Variants in TECTA observed in about 807,000 individuals in gnomAD.
TECTA encodes the protein tectorin alpha, also known as alpha-tectorin.
In TECTA, 128 loss-of-function variants were observed where a neutral mutation model predicts 216.8. That is an observed-to-expected ratio of 0.59 (90% CI 0.51 to 0.68). TECTA has a LOEUF of 0.68. Ranked by LOEUF, TECTA falls within the 30% of genes least tolerant of loss-of-function variation. The pLI, the probability that TECTA is intolerant of heterozygous loss-of-function variation, is 0.00. For synonymous variants in TECTA, 1,089 were observed against 1,117.1 expected (o/e 0.97, Z 0.50); for missense variants, 2,551 against 2,786.2 (o/e 0.92, Z 1.90).
At chr11:121,166,531 CA>C in intron 17 of TECTA, 46 bp from the exon 18 acceptor site, 1 of 1,604,298 alleles carries the variant, frequency 6.2e-7, no homozygotes, top group South Asian at 1.1e-5. Flanking sequence ...ACTCCTGCAG[CA>C]AGACCGACTC....
Position 121,164,237 on chromosome 11 carries a change from T to A in TECTA, c.5273-1036T>A, listed in dbSNP as rs1947029107. Among the ~76,000 whole-genome samples the A allele has an allele frequency of 2.0e-5, 3 of 152,214 alleles. No homozygotes were observed. The South Asian group carries it at 6.2e-4, about 32-fold the overall frequency. On this transcript the variant is annotated intron_variant, in intron 16 of 23. Coordinates refer to ENST00000392793, the MANE Select transcript of TECTA (RefSeq NM_005422.4). ...AATTTTCAAGTGTACAGTGTATTGG[T>A]ACTAACTATAGCCACTTTGATGTTC...
At chr11:121,106,651 T>A (rs1946392874) in intron 3 of TECTA, among the ~76,000 whole-genome samples, 1 of 152,144 alleles carries the variant, frequency 6.6e-6, no homozygotes, top group Non-Finnish European at 1.5e-5. Context: ...ATTGTTGGCC[T>A]TAAAGAACTG....
chr11:121,186,029 TGAG>T, intron 20 of TECTA, among the ~76,000 whole-genome samples: 1 of 98,014 alleles, frequency 1.0e-5, no homozygotes, highest in African/African-American at 6.0e-5. Context: ...GCTTAATGAA[TGAG>T]TAGGGAAAGC....
intron 12 of TECTA, among the ~76,000 whole-genome samples, chr11:121,149,750 G>T (rs774383172): frequency 4.6e-5 from 7 of 152,198 alleles, no homozygotes; most frequent in Non-Finnish European, 8.8e-5. Context: ...TGCTGGGTAT[G>T]GCAAGAGACA....
In TECTA at chr11:121,137,498, C is replaced by G. The variant is rs941759181; in HGVS notation, c.3019C>G (p.Pro1007Ala). The G allele has an allele frequency of 1.2e-6, 2 of 1,613,896 alleles. No individual in the cohort carries two copies. Among genetic ancestry groups the G allele is most frequent in the South Asian group, 2.2e-5 (2 of 91,070 alleles). Residue 1007 changes from proline to alanine, a missense_variant, in exon 11 of 24, where the codon CCC (proline) becomes GCC (alanine). By Grantham distance (27) the Pro-to-Ala change is conservative (BLOSUM62 -1). Around this residue, in one of 3 missense-constraint regions of TECTA, gnomAD observed 2,375 missense variants for 2,563.9 expected, o/e 0.93. Coordinates refer to ENST00000392793, the MANE Select transcript of TECTA (RefSeq NM_005422.4). The part of the protein sequence containing the change: ...TETCETLTLG[P>A]ICVDSCSEGC... ...GACCTGTGAGACCCTTACCCTGGGCCCCATCTGCGTGGATAGCTGCTCTGA... is the reference window on the plus strand; with the variant it reads ...GACCTGTGAGACCCTTACCCTGGGCGCCATCTGCGTGGATAGCTGCTCTGA...
At chr11:121,115,480 G>A (rs1328232105) in intron 6 of TECTA, among the ~76,000 whole-genome samples, 1 of 152,210 alleles carries the variant, frequency 6.6e-6, no homozygotes, top group Non-Finnish European at 1.5e-5. Flanking sequence ...GGGTACTGTG[G>A]AAACACAGAG....
chr11:121,157,918 G>T lies in TECTA; in HGVS notation c.4383G>T (p.Pro1461=). Residue 1461 remains proline, a synonymous_variant, in exon 14 of 24, where the codon CCG becomes CCT. Transcript: ENST00000392793. ...CFRRNVIQCD[P]RQCKSDEECA... ...GTCGCAACGTGATTCAGTGCGACCC[G>T]CGCCAATGCAAGTCAGACGAGGAGT... The T allele has an allele frequency of 4.3e-6, 7 of 1,614,168 alleles. No individual in the cohort carries two copies. The highest frequency in any genetic ancestry group is 5.9e-6 in the Non-Finnish European group (7 of 1,180,036).
intron 13 of TECTA, among the ~76,000 whole-genome samples, chr11:121,154,576 C>T (rs1946923414): frequency 6.6e-6 from 1 of 152,232 alleles, no homozygotes; most frequent in South Asian, 2.1e-4. Flanking sequence ...CTATCCATTT[C>T]TCAACTGTGC....
In TECTA at chr11:121,125,447, C is replaced by T. The variant is rs761506506; in HGVS notation, c.1349C>T (p.Pro450Leu). 4 of 1,614,082 alleles carry T rather than the reference C, an allele frequency of 2.5e-6. No homozygotes were observed. Among genetic ancestry groups the T allele is most frequent in the Non-Finnish European group, 3.4e-6 (4 of 1,180,052 alleles). Residue 450 changes from proline to leucine, a missense_variant, in exon 8 of 24, where the codon CCA (proline) becomes CTA (leucine). Pro to Leu is a moderately conservative substitution (Grantham distance 98). Around this residue, in one of 3 missense-constraint regions of TECTA, gnomAD observed 2,375 missense variants for 2,563.9 expected, o/e 0.93. Coordinates refer to ENST00000392793, the MANE Select transcript of TECTA (RefSeq NM_005422.4). ...CAGCACTACGCCTCCATTTCCGTCC[C>T]AGGCTCCTATATAAACTCCACCTGT... ...DGQHYASISV[P>L]GSYINSTCGL...
Position 121,122,479 on chromosome 11 carries a change from CCAAA to C in TECTA, c.1204-2820_1204-2817del, listed in dbSNP as rs552180318. ...GTTTATGGTATTTTGCTCTAGCAGC[CCAAA>C]CAGACTAAAACAGAAGATTGGTACC... On this transcript the variant is annotated intron_variant, in intron 7 of 23. Coordinates refer to ENST00000392793, the MANE Select transcript of TECTA (RefSeq NM_005422.4). 7.9e-5 allele frequency among the ~76,000 whole-genome samples: 12 copies of C among 152,002 alleles called. No individual in the cohort carries two copies. In the South Asian group the frequency reaches 2.5e-3, roughly 32 times the overall value.
At chr11:121,121,437 T>C (rs1270010989) in intron 7 of TECTA, among the ~76,000 whole-genome samples, 1 of 152,056 alleles carries the variant, frequency 6.6e-6, no homozygotes, top group Non-Finnish European at 1.5e-5. Flanking sequence ...CTGCTAACCA[T>C]AGGTTGAGGA....
chr11:121,141,421 T>C (rs1365670801), intron 11 of TECTA, among the ~76,000 whole-genome samples: 2 of 152,202 alleles, frequency 1.3e-5, no homozygotes, highest in Non-Finnish European at 2.9e-5. Flanking sequence ...TTTCCCTGCA[T>C]TGAGCAGCAC....
rs762029327 is a variant in TECTA, at chr11:121,145,548, C to T, written c.3544-7C>T. 14 of 1,614,090 alleles carry T rather than the reference C, an allele frequency of 8.7e-6. No homozygotes were observed. The African/African-American group carries it at 1.2e-4, about 14-fold the overall frequency. On this transcript the variant is annotated splice_polypyrimidine_tract_variant and splice_region_variant and intron_variant, in intron 11 of 23. Coordinates refer to ENST00000392793, the MANE Select transcript of TECTA (RefSeq NM_005422.4). Reference sequence around the variant, plus strand: ...TGTGTTTCTCCACCTCATCTCTCCTCTTACAGGTCAACAGTGAACGGCTCT... The same window carrying T: ...TGTGTTTCTCCACCTCATCTCTCCTTTTACAGGTCAACAGTGAACGGCTCT...
intron 23 of TECTA, among the ~76,000 whole-genome samples, chr11:121,190,495 C>T (rs987338932): frequency 6.6e-6 from 1 of 152,196 alleles, no homozygotes; most frequent in Admixed American, 6.5e-5. Flanking sequence ...AAACTCCTGA[C>T]CTCATGATCC....
rs200769761 is a variant in TECTA, at chr11:121,160,410, C to T, written c.4965C>T (p.Gly1655=). ...VVLAQSWKTN[G]MQKRPLAPSC... is the part of the protein sequence containing the mutation. ...TGGCCCAGAGCTGGAAAACCAATGG[C>T]ATGCAGAAGAGGTGAGGGTGTAGGA... is the stretch of plus-strand genomic sequence containing the variant. Residue 1655 remains glycine (G), a synonymous_variant, in exon 15 of 24, where the codon GGC becomes GGT. Coordinates refer to ENST00000392793, the MANE Select transcript of TECTA (RefSeq NM_005422.4). The T allele has an allele frequency of 3.7e-5, 59 of 1,611,168 alleles. No individual in the cohort carries two copies. Among genetic ancestry groups the T allele is most frequent in the South Asian group, 1.1e-5 (1 of 91,068 alleles).
rs201029860 is a variant in TECTA, at chr11:121,166,645, G to A, written c.5451G>A (p.Lys1817=). 4 of 1,614,194 alleles carry A rather than the reference G, an allele frequency of 2.5e-6. No homozygotes were observed. The highest frequency in any genetic ancestry group is 1.7e-5 in the Admixed American group (1 of 60,022). Residue 1817 remains lysine, a synonymous_variant, in exon 18 of 24, where the codon AAG becomes AAA. Transcript: ENST00000392793. The part of the protein sequence containing the change: ...KAAQMEVSIS[K]CKLFQLGFER... ...CCCAAATGGAAGTGTCCATATCTAA[G>A]TGCAAGCTCTTCCAGCTCGGTTTTG...
intron 16 of TECTA, 39 bp downstream of exon 16, chr11:121,162,409 G>A (rs758941686): frequency 6.3e-7 from 1 of 1,598,354 alleles, no homozygotes; most frequent in South Asian, 1.1e-5. Flanking sequence ...TCCATTTTCA[G>A]TGAAAAGAAC....
chr11:121,152,759 C>T, intron 12 of TECTA, 122 bp from the exon 13 acceptor site: 2 of 1,005,030 alleles, frequency 2.0e-6, no homozygotes, highest in South Asian at 3.2e-5. Context: ...AGGCGGCAGA[C>T]CTCCTGGCTC....
At chr11:121,147,757 C>G (rs601221) in intron 12 of TECTA, among the ~76,000 whole-genome samples, 5,529 of 152,184 alleles carry the variant, frequency 0.036, 337 homozygotes, top group African/African-American at 0.12. Context: ...GTGGAGACTT[C>G]CCTCTTCACC....
Sources: gnomAD v4.1 joint callset for allele counts (sites outside exome capture counted in the v4.1 genomes callset) on GRCh38, gnomAD v4.1.1 for gene constraint, gnomAD v4.1.1 regional missense constraint, MANE v1.5 for transcripts, NCBI Gene and HGNC (gene_info 2026-07-23, HGNC 2026-07-21) for gene names.